TTC7A: variants seen among roughly 807,000 people sequenced by gnomAD.
The protein encoded by TTC7A is tetratricopeptide repeat protein 7A.
In TTC7A, 110 loss-of-function variants were observed where a neutral mutation model predicts 103.7. The observed-to-expected ratio is 1.06, with a 90% CI of 0.91 to 1.24. The LOEUF (loss-of-function observed/expected upper bound fraction) is 1.24, where lower values mean the gene tolerates loss of function less well. Ranked by LOEUF, TTC7A falls within the 50% of genes most tolerant of loss-of-function variation. TTC7A has a pLI of 0.00. For missense variants in TTC7A, 1,340 were observed against 1,116.3 expected (o/e 1.20, Z -2.86); for synonymous variants, 521 against 467.9 (o/e 1.11, Z -1.47).
intron 16 of TTC7A, chr2:47,047,131 A>C (rs748096345): frequency 1.6e-6 from 1 of 621,636 alleles, no homozygotes; most frequent in Non-Finnish European, 2.9e-6. Context: ...TGTGGCCCAA[A>C]GGGAAAGTGG....
At chr2:46,990,572 T>G (rs1675524118) in intron 5 of TTC7A, among the ~76,000 whole-genome samples, 2 of 152,072 alleles carry the variant, frequency 1.3e-5, no homozygotes, top group Admixed American at 1.3e-4. Flanking sequence ...AGACCCAAAT[T>G]AGAAGGAGAA....
chr2:46,934,350 C>T (rs1669858076), intron 2 of TTC7A, among the ~76,000 whole-genome samples: 2 of 152,190 alleles, frequency 1.3e-5, no homozygotes, highest in South Asian at 4.1e-4. Context: ...CCTCTGCCTT[C>T]CGGGTTCAAG....
At chr2:46,963,838 G>A (rs1436426186) in intron 3 of TTC7A, among the ~76,000 whole-genome samples, 2 of 152,110 alleles carry the variant, frequency 1.3e-5, no homozygotes, top group African/African-American at 2.4e-5. Context: ...GACTGCCTGG[G>A]GAAGCTTCTC....
chr2:46,919,960 G>A (rs1669014377), intron 2 of TTC7A, among the ~76,000 whole-genome samples: 1 of 152,180 alleles, frequency 6.6e-6, no homozygotes, highest in Non-Finnish European at 1.5e-5. Flanking sequence ...TCATATTTCT[G>A]ATAAGGGTGA....
At position 47,046,454 on chromosome 2, in the gene TTC7A, T is replaced by C. The variant is rs746620512; in HGVS notation, c.1919+23T>C. On this transcript the variant is annotated intron_variant, in intron 16 of 19. Coordinates refer to ENST00000319190, the MANE Select transcript of TTC7A (RefSeq NM_020458.4). ...GGGGTGAGTGGCCGTCATTGTCTCT[T>C]GGGTTGCCAGAGGGTGGTTGCCAGG... 3 of 1,598,398 alleles carry C rather than the reference T, an allele frequency of 1.9e-6. No homozygotes were observed. In the South Asian group the frequency reaches 3.3e-5, roughly 18 times the overall value.
chr2:47,047,010 AC>A (rs1203254367), intron 16 of TTC7A: 1 of 419,030 alleles, frequency 2.4e-6, no homozygotes, highest in Non-Finnish European at 4.2e-6. Flanking sequence ...CCTGCTGGAG[AC>A]CCTGGCCTGG....
Position 46,919,618 on chromosome 2 carries a change from A to G in TTC7A, c.82+2341A>G, listed in dbSNP as rs1358344622. Among the ~76,000 whole-genome samples, 3 of 152,232 alleles carry G rather than the reference A, an allele frequency of 2.0e-5. No individual in the cohort carries two copies. The East Asian group carries it at 5.8e-4, about 29-fold the overall frequency. On this transcript the variant is annotated intron_variant, in intron 2 of 20. Transcript: ENST00000409245. The stretch of plus-strand genomic sequence containing the variant: ...AGAAGTCTAACAAATGATTGAGGTA[A>G]TCCTGTGTCCCTAAAATCTCAAGCC...
At chr2:47,047,315 A>T in intron 16 of TTC7A, 2 of 1,549,584 alleles carry the variant, frequency 1.3e-6, no homozygotes, top group Non-Finnish European at 1.7e-6. Flanking sequence ...GAACATCTGT[A>T]ACAGTGAAAT....
At chr2:47,031,895 G>A (rs1402404178) in intron 15 of TTC7A, among the ~76,000 whole-genome samples, 1 of 152,374 alleles carries the variant, frequency 6.6e-6, no homozygotes, top group Non-Finnish European at 1.5e-5. Flanking sequence ...CCCAGCGTGG[G>A]GGACCCACTC....
chr2:47,073,624 A>C (rs1558656637), intron 19 of TTC7A, 78 bp from the exon 20 acceptor site: 1 of 1,269,860 alleles, frequency 7.9e-7, no homozygotes, highest in East Asian at 2.3e-5. Context: ...CCACCCGTGC[A>C]CCTGTGCTTG....
At position 47,010,427 on chromosome 2, in the gene TTC7A, A is replaced by G. The variant is rs564503234; in HGVS notation, c.1288-904A>G. 2.6e-5 allele frequency among the ~76,000 whole-genome samples: 4 copies of G among 152,298 alleles called. No homozygotes were observed. In the East Asian group the frequency reaches 5.8e-4, roughly 22 times the overall value. On this transcript the variant is annotated intron_variant, in intron 10 of 19. Transcript: ENST00000319190. ...AACGCCTGCACATCCCAAGATCTGGATAAGTGTTTGCTGCTGCTGTTCTTC... is the reference window on the plus strand; with the variant it reads ...AACGCCTGCACATCCCAAGATCTGGGTAAGTGTTTGCTGCTGCTGTTCTTC...
At chr2:46,957,125 T>TG in intron 3 of TTC7A, 118 bp downstream of exon 3, 1 of 1,299,360 alleles carries the variant, frequency 7.7e-7, no homozygotes, top group South Asian at 1.3e-5. Context: ...GCCCATGCCC[T>TG]GGCACTGGTG....
intron 2 of TTC7A, among the ~76,000 whole-genome samples, chr2:46,955,236 A>G (rs1671747727): frequency 6.6e-6 from 1 of 151,500 alleles, no homozygotes; most frequent in Admixed American, 6.5e-5. Context: ...CAGGGAGGAA[A>G]TGAGCCCGTG....
chr2:47,061,792 T>A (rs1280565003), intron 19 of TTC7A, among the ~76,000 whole-genome samples: 2 of 152,228 alleles, frequency 1.3e-5, no homozygotes, highest in African/African-American at 4.8e-5. Flanking sequence ...TTTCCTGCTT[T>A]CCTTTGCTGC....
At position 47,075,056 on chromosome 2, in the gene TTC7A, T is replaced by C. The variant is rs1384187220; in HGVS notation, c.*1133T>C. 1 of 152,266 alleles carries C rather than the reference T, an allele frequency of 6.6e-6. No individual in the cohort carries two copies. The highest frequency in any genetic ancestry group is 6.5e-5 in the Admixed American group (1 of 15,278). 9.4% of individuals were successfully genotyped at this position (152,266 alleles called of 1,614,324 possible). A position where few individuals can be genotyped will look rare whatever the true frequency, so the allele number is the denominator to read the frequency against. On this transcript the variant is annotated 3_prime_UTR_variant, in exon 20 of 20. Coordinates refer to ENST00000319190, the MANE Select transcript of TTC7A (RefSeq NM_020458.4). The stretch of plus-strand genomic sequence containing the variant: ...ATCAGGTACAGCTTGCATTTCAGGA[T>C]GTGTGGAAAGCTCGGGTGAGGGCTG...
intron 2 of TTC7A, among the ~76,000 whole-genome samples, chr2:46,926,505 G>C (rs1189981136): frequency 6.6e-6 from 1 of 152,212 alleles, no homozygotes; most frequent in Non-Finnish European, 1.5e-5. Context: ...TGATAAAATA[G>C]AGGAGTGAAT....
rs1676872444 is a variant in TTC7A at position 47,002,018 on chromosome 2, A to G, written c.1066-3904A>G. On this transcript the variant is annotated intron_variant, in intron 8 of 19. Transcript: ENST00000319190. ...TCATGGATACTTGGTCAAAGACCAGAAATGTGTTATGCTAGCAGTGCTGAG... is the reference window on the plus strand; with the variant it reads ...TCATGGATACTTGGTCAAAGACCAGGAATGTGTTATGCTAGCAGTGCTGAG... Among the ~76,000 whole-genome samples the G allele has an allele frequency of 2.0e-5, 3 of 152,178 alleles. No individual in the cohort carries two copies. In the South Asian group the frequency reaches 6.2e-4, roughly 32 times the overall value.
intron 19 of TTC7A, among the ~76,000 whole-genome samples, chr2:47,069,925 G>A (rs1035772713): frequency 6.6e-6 from 1 of 150,738 alleles, no homozygotes; most frequent in Non-Finnish European, 1.5e-5. Context: ...GGCTGTTACA[G>A]AATCCCAGGA....
upstream of TTC7A, among the ~76,000 whole-genome samples, chr2:46,940,517 T>C (rs1444614799): frequency 1.3e-5 from 2 of 152,196 alleles, no homozygotes; most frequent in South Asian, 4.1e-4. This position sits in a 1 kb window ranked among gnomAD's most constrained non-coding sequence, Gnocchi z 4.7. Flanking sequence ...TAAACCCTGC[T>C]AAGCACTCCA....
Sources: gnomAD v4.1 joint callset for allele counts (sites outside exome capture counted in the v4.1 genomes callset) on GRCh38, gnomAD v4.1.1 for gene constraint, Gnocchi (gnomAD v3.1) non-coding constraint, MANE v1.5 for transcripts, NCBI Gene and HGNC (gene_info 2026-07-23, HGNC 2026-07-21) for gene names.